Variants in NDUFA10 observed in about 807,000 individuals in gnomAD.
NDUFA10 encodes the protein NADH dehydrogenase [ubiquinone] 1 alpha subcomplex subunit 10, mitochondrial.
NDUFA10 carries 40 observed loss-of-function variants against 47.8 expected under a neutral mutation model. The ratio of observed to expected loss-of-function variants is 0.84; its 90% CI spans 0.65 to 1.09. The LOEUF is 1.09. Among genes scored for constraint, NDUFA10 ranks in the 50% least tolerant of loss-of-function variants. The pLI is 0.00. For synonymous variants in NDUFA10, 183 were observed against 172.2 expected (o/e 1.06, Z -0.49); for missense variants, 413 against 451.1 (o/e 0.92, Z 0.76).
chr2:240,005,205 C>A lies in NDUFA10; in HGVS notation c.890+5G>T, dbSNP rs772284233. 2 of 1,612,774 alleles carry A rather than the reference C, an allele frequency of 1.2e-6. No individual in the cohort carries two copies. The highest frequency in any genetic ancestry group is 2.7e-5 in the African/African-American group (2 of 74,966). ...ATGCAGCAGCCCCCACACAGATGCA[C>A]TTACAGTAATCGCAGGTGGTATAAA... On this transcript the variant is annotated splice_donor_5th_base_variant and intron_variant, in intron 8 of 9. Coordinates refer to ENST00000252711, the MANE Select transcript of NDUFA10 (RefSeq NM_004544.4).
chr2:239,954,755 T>A (rs1694620361), downstream of NDUFA10, among the ~76,000 whole-genome samples: 1 of 152,230 alleles, frequency 6.6e-6, no homozygotes, highest in Admixed American at 6.5e-5. Flanking sequence ...TTTTTTGTAC[T>A]CACTGCTAAC....
rs10196412 is a variant in NDUFA10 at position 240,007,638 on chromosome 2, A to G, written c.750-268T>C. Among the ~76,000 whole-genome samples the G allele has an allele frequency of 0.13, 19,365 of 152,236 alleles. 1,260 individuals are homozygous for G. The highest frequency in any genetic ancestry group is 0.19 in the East Asian group (962 of 5,164). On this transcript the variant is annotated intron_variant, in intron 6 of 9. Transcript: ENST00000252711. ...CCCTTCTCCTGACTACACTGCCCCC[A>G]AGCCAAGGGCGTGACAGACCACAGC...
rs1178529092 is a variant in NDUFA10, at chr2:239,906,022, T to C, written c.295-10708A>G. On this transcript the variant is annotated intron_variant, in intron 4 of 5. Coordinates refer to the NDUFA10 transcript ENST00000419408. This position sits in a 1 kb window ranked among gnomAD's most constrained non-coding sequence, Gnocchi z 4.3. ...TGGCCTCCTGTGGTGGGATCAGAATTCCCCTAAGGAATTCCTGGAGCCCTG... is the reference window on the plus strand; with the variant it reads ...TGGCCTCCTGTGGTGGGATCAGAATCCCCCTAAGGAATTCCTGGAGCCCTG... Among the ~76,000 whole-genome samples the C allele has an allele frequency of 1.3e-5, 2 of 151,996 alleles. No homozygotes were observed. The highest frequency in any genetic ancestry group is 2.4e-5 in the African/African-American group (1 of 41,368).
chr2:239,947,120 G>C (rs1346557030), intron 4 of NDUFA10, among the ~76,000 whole-genome samples: 1 of 152,224 alleles, frequency 6.6e-6, no homozygotes, highest in African/African-American at 2.4e-5. Context: ...CCAGGCTGCA[G>C]TGCAGCCCCT....
rs967407968 is a variant in NDUFA10, at chr2:239,991,393, G to A, written c.891-1211C>T. 5.3e-5 allele frequency among the ~76,000 whole-genome samples: 8 copies of A among 152,288 alleles called. No homozygotes were observed. In the South Asian group the frequency reaches 6.2e-4, roughly 12 times the overall value. ...TGCTTTCCTAAGTGTATTTATGTGC[G>A]TTTCCACATGGGTAGGCAAATGGCT... On this transcript the variant is annotated intron_variant, in intron 8 of 9. Coordinates refer to ENST00000252711, the MANE Select transcript of NDUFA10 (RefSeq NM_004544.4).
chr2:239,913,582 G>A (rs1693790863), intron 4 of NDUFA10, among the ~76,000 whole-genome samples: 1 of 152,214 alleles, frequency 6.6e-6, no homozygotes, highest in Non-Finnish European at 1.5e-5. Context: ...AATACTGCGG[G>A]GAGCTCTGGG....
At chr2:239,988,133 T>G (rs1268253444) in intron 9 of NDUFA10, among the ~76,000 whole-genome samples, 1 of 152,122 alleles carries the variant, frequency 6.6e-6, no homozygotes, top group East Asian at 1.9e-4. Flanking sequence ...TAAAAATAAC[T>G]GCAAATTACA....
chr2:239,905,755 C>G (rs1693641215), intron 4 of NDUFA10, among the ~76,000 whole-genome samples: 2 of 150,014 alleles, frequency 1.3e-5, no homozygotes, highest in Non-Finnish European at 3.0e-5. Flanking sequence ...GCAGATCTGC[C>G]AAGGGATGAG....
intron 6 of NDUFA10, among the ~76,000 whole-genome samples, chr2:240,008,416 T>C (rs1697023734): frequency 6.6e-6 from 1 of 152,252 alleles, no homozygotes; most frequent in Non-Finnish European, 1.5e-5. Context: ...GCCACACTAA[T>C]TACAGGACTT....
At chr2:240,005,779 T>A (rs963730025) in intron 7 of NDUFA10, among the ~76,000 whole-genome samples, 1 of 152,190 alleles carries the variant, frequency 6.6e-6, no homozygotes, top group Non-Finnish European at 1.5e-5. Context: ...GAGTGTTGCA[T>A]CACAGTATGG....
intron 4 of NDUFA10, among the ~76,000 whole-genome samples, chr2:239,927,919 T>A (rs1490414936): frequency 6.6e-6 from 1 of 152,192 alleles, no homozygotes; most frequent in East Asian, 1.9e-4. Flanking sequence ...GGTACCCCAA[T>A]ACGGTGGCTG....
At chr2:239,966,860 TTTTTTTTTTTC>T (rs1268866645) in intron 9 of NDUFA10, among the ~76,000 whole-genome samples, 4 of 108,220 alleles carry the variant, frequency 3.7e-5, no homozygotes, top group South Asian at 2.8e-4. Context: ...TTTTTTTTTT[TTTTTTTTTTTC>T]CCTAAGAGAG....
At chr2:239,918,921 G>A (rs149205485) in intron 4 of NDUFA10, among the ~76,000 whole-genome samples, 13 of 152,268 alleles carry the variant, frequency 8.5e-5, no homozygotes, top group East Asian at 3.9e-4. Context: ...CCTCCTGCTC[G>A]TCCAGTGTCC....
chr2:240,008,470 C>A (rs576319911), intron 6 of NDUFA10, among the ~76,000 whole-genome samples: 1 of 152,180 alleles, frequency 6.6e-6, no homozygotes, highest in African/African-American at 2.4e-5. Context: ...ATTGTTAATA[C>A]GAAGAGAAAG....
chr2:239,900,061 C>A (rs1693515605), intron 4 of NDUFA10, among the ~76,000 whole-genome samples: 1 of 152,054 alleles, frequency 6.6e-6, no homozygotes, highest in South Asian at 2.1e-4. Flanking sequence ...TTCCAGCCTT[C>A]ATCTTTCTCC....
At chr2:239,993,231 A>T (rs1296434787) in intron 8 of NDUFA10, among the ~76,000 whole-genome samples, 1 of 152,192 alleles carries the variant, frequency 6.6e-6, no homozygotes, top group African/African-American at 2.4e-5. Context: ...GTGTTTAGAA[A>T]ATGACACTGT....
Position 239,959,626 on chromosome 2 carries a change from G to C in NDUFA10, c.*1492C>G, listed in dbSNP as rs921822194. On this transcript the variant is annotated 3_prime_UTR_variant, in exon 10 of 10. Coordinates refer to ENST00000252711, the MANE Select transcript of NDUFA10 (RefSeq NM_004544.4). ...TTTTCAAATTCTTAAAACAAGGAAGGAGGCAGGGAGGAAGGGAAGGGAGGA... is the reference window on the plus strand; with the variant it reads ...TTTTCAAATTCTTAAAACAAGGAAGCAGGCAGGGAGGAAGGGAAGGGAGGA... The C allele has an allele frequency of 1.0e-6, 1 of 986,338 alleles. No individual in the cohort carries two copies. The allele number at this position is 986,338 out of a possible 1,614,324, so 61.1% of individuals were successfully genotyped here.
At chr2:239,933,575 G>C (rs1694213972) in intron 4 of NDUFA10, among the ~76,000 whole-genome samples, 1 of 151,876 alleles carries the variant, frequency 6.6e-6, no homozygotes, top group East Asian at 1.9e-4. Context: ...GGAGTGCAGT[G>C]GCGGGATCTC....
At chr2:239,898,665 A>C (rs577087720) in intron 4 of NDUFA10, among the ~76,000 whole-genome samples, 107 of 152,330 alleles carry the variant, frequency 7.0e-4, no homozygotes, top group Non-Finnish European at 1.4e-3. Context: ...CTGTGATTGC[A>C]GGTTCCTGCT....
Sources: allele counts gnomAD v4.1 joint callset (sites outside exome capture counted in the v4.1 genomes callset), GRCh38; gene constraint gnomAD v4.1.1; non-coding constraint Gnocchi (gnomAD v3.1); transcripts MANE v1.5; gene names NCBI Gene and HGNC (gene_info 2026-07-23, HGNC 2026-07-21).